The following DLG1 variants were observed in gnomAD, a reference collection of about 807,000 sequenced individuals.
DLG1 encodes disks large homolog 1.
In DLG1, 42 loss-of-function variants were observed where a neutral mutation model predicts 123.4. The observed-to-expected ratio is 0.34, with a 90% CI of 0.27 to 0.44. DLG1 has a LOEUF of 0.44. DLG1 is among the 20% of genes least tolerant of loss of function. DLG1 has a pLI of 1.00. For missense variants in DLG1, 942 were observed against 1,082.6 expected (o/e 0.87, Z 1.82); for synonymous variants, 317 against 356.2 (o/e 0.89, Z 1.24).
intron 4 of DLG1, among the ~76,000 whole-genome samples, chr3:197,257,078 T>A (rs1037689332): frequency 1.3e-5 from 2 of 152,116 alleles, no homozygotes; most frequent in African/African-American, 4.8e-5. Context: ...CTTAAAAAAT[T>A]TGAAGTCTTT....
rs1227716226 is a variant in DLG1 at position 197,297,333 on chromosome 3, C to G, written c.-31-98G>C. The G allele has an allele frequency of 2.6e-6, 4 of 1,518,132 alleles. No homozygotes were observed. In the African/African-American group the frequency reaches 4.2e-5, roughly 16 times the overall value. The allele number at this position is 1,518,132 out of a possible 1,614,324, so 94.0% of individuals were successfully genotyped here. A position where few individuals can be genotyped will look rare whatever the true frequency, so the allele number is the denominator to read the frequency against. ...AAACCCTCGCAGCCTATTTGAAAAC[C>G]CCACGTTCCAAAGTTTTACCAAGTC... is the stretch of plus-strand genomic sequence containing the variant. On this transcript the variant is annotated intron_variant, in intron 1 of 24. Coordinates refer to ENST00000667157, the MANE Select transcript of DLG1 (RefSeq NM_001366207.1).
chr3:197,265,619 A>C (rs1287460963), intron 4 of DLG1, among the ~76,000 whole-genome samples: 1 of 152,202 alleles, frequency 6.6e-6, no homozygotes, highest in Non-Finnish European at 1.5e-5. Flanking sequence ...GGAAACTTCA[A>C]GGTGAGGAAA....
intron 4 of DLG1, among the ~76,000 whole-genome samples, chr3:197,251,715 C>CA (rs1444575954): frequency 2.6e-5 from 4 of 152,056 alleles, no homozygotes; most frequent in African/African-American, 7.2e-5. Flanking sequence ...ACACAATCAA[C>CA]AAAGTGAAGA....
chr3:197,255,176 T>A (rs1198596759), intron 4 of DLG1, among the ~76,000 whole-genome samples: 2 of 152,072 alleles, frequency 1.3e-5, no homozygotes. Flanking sequence ...GTCACATGCC[T>A]CCCCCACACA....
At chr3:197,161,633 TA>T in intron 5 of DLG1, 2 of 1,434,146 alleles carry the variant, frequency 1.4e-6, no homozygotes, top group South Asian at 1.6e-5. Context: ...AAGAAACTAA[TA>T]AAAACCTGTG....
chr3:197,117,596 C>T (rs1774008805), intron 12 of DLG1, among the ~76,000 whole-genome samples: 1 of 152,058 alleles, frequency 6.6e-6, no homozygotes, highest in Admixed American at 6.6e-5. Context: ...TTATACAGTT[C>T]CACTTTTATA....
chr3:197,268,373 T>C (rs1381538430), intron 4 of DLG1, among the ~76,000 whole-genome samples: 2 of 152,156 alleles, frequency 1.3e-5, no homozygotes, highest in African/African-American at 2.4e-5. Flanking sequence ...TCTCCTAGAT[T>C]AACAGCTTTT....
At chr3:197,287,453 G>GTGT (rs2308110) in intron 3 of DLG1, among the ~76,000 whole-genome samples, 133,953 of 151,954 alleles carry the variant, frequency 0.88, 59,308 homozygotes, top group East Asian at 0.94. Context: ...GTTTCCAAAC[G>GTGT]TATTAAGGGC....
At position 197,133,089 on chromosome 3, in the gene DLG1, C is replaced by A. The variant is rs149550322; in HGVS notation, c.1021-2418G>T. Among the ~76,000 whole-genome samples the A allele has an allele frequency of 9.7e-3, 1,479 of 152,290 alleles. 17 individuals are homozygous for A. The highest frequency in any genetic ancestry group is 0.023 in the African/African-American group (959 of 41,566). On this transcript the variant is annotated intron_variant, in intron 10 of 24. Coordinates refer to ENST00000667157, the MANE Select transcript of DLG1 (RefSeq NM_001366207.1). ...CTTTGGTGGCCTACAATAAGCCATG[C>A]ATCCTGGTATTCACACCCTTGTAAA...
chr3:197,085,691 A>C lies in DLG1; in HGVS notation c.1727T>G (p.Phe576Cys), dbSNP rs142423292. The change falls in exon 16 of 25, where the codon TTT (phenylalanine) becomes TGT (cysteine). Residue 576 changes from phenylalanine (F) to cysteine (C), a missense_variant. By Grantham distance (205) the Phe-to-Cys change is radical. Coordinates refer to ENST00000667157, the MANE Select transcript of DLG1 (RefSeq NM_001366207.1). ...GLPSQGLNFK[F>C]GDILHVINAS... ...ATTAATAACATGGAGGATATCTCCA[A>C]ATTTGAAGTTCAGTCCCTGACTGGG... is the stretch of plus-strand genomic sequence containing the variant. 573 of 1,613,870 alleles carry C rather than the reference A, an allele frequency of 3.6e-4. No homozygotes were observed. The highest frequency in any genetic ancestry group is 4.2e-4 in the Non-Finnish European group (490 of 1,179,952).
chr3:197,189,382 AAT>A (rs1360483194), intron 5 of DLG1, among the ~76,000 whole-genome samples: 3 of 152,244 alleles, frequency 2.0e-5, no homozygotes, highest in East Asian at 1.9e-4. Context: ...TATACAAGAA[AAT>A]ATGTTTAACA....
intron 17 of DLG1, among the ~76,000 whole-genome samples, chr3:197,079,026 T>C (rs936323327): frequency 1.3e-5 from 2 of 151,094 alleles, no homozygotes. Flanking sequence ...ACATTTAATA[T>C]CCTCCAGGTG....
chr3:197,236,134 C>T (rs749703823), intron 4 of DLG1, among the ~76,000 whole-genome samples: 9 of 151,822 alleles, frequency 5.9e-5, no homozygotes, highest in South Asian at 2.1e-4. Context: ...AGCAACATGG[C>T]GAAATCCCGT....
At chr3:197,088,169 C>T (rs1223477034) in intron 15 of DLG1, among the ~76,000 whole-genome samples, 1 of 152,064 alleles carries the variant, frequency 6.6e-6, no homozygotes, top group Non-Finnish European at 1.5e-5. Context: ...ATCTTCATTT[C>T]TCTATTCCTA....
chr3:197,251,292 G>T (rs988295505), intron 4 of DLG1, among the ~76,000 whole-genome samples: 1 of 151,804 alleles, frequency 6.6e-6, no homozygotes, highest in Non-Finnish European at 1.5e-5. Context: ...CACAGAAAAA[G>T]AAATAGAAAA....
chr3:197,053,605 C>G (rs889328518), intron 23 of DLG1, among the ~76,000 whole-genome samples: 1 of 151,538 alleles, frequency 6.6e-6, no homozygotes, highest in South Asian at 2.1e-4. Flanking sequence ...AATCCCGTCT[C>G]CACTAAGAAT....
chr3:197,130,682 T>G lies in DLG1; in HGVS notation c.1021-11A>C, dbSNP rs1318598998. 1.3e-6 allele frequency: 2 copies of G among 1,580,198 alleles called. No homozygotes were observed. The highest frequency in any genetic ancestry group is 1.8e-5 in the Admixed American group (1 of 55,892). On this transcript the variant is annotated splice_polypyrimidine_tract_variant and intron_variant, in intron 10 of 24. Coordinates refer to ENST00000667157, the MANE Select transcript of DLG1 (RefSeq NM_001366207.1). ...ACATACGTTATTCACCTAAAAAAAG[T>G]CCCAAAAGACATTTATGACATATTC...
At chr3:197,211,465 G>A (rs561110935) in intron 4 of DLG1, among the ~76,000 whole-genome samples, 6 of 146,466 alleles carry the variant, frequency 4.1e-5, no homozygotes, top group South Asian at 2.6e-4. Context: ...GCTTCATCCC[G>A]GGATGCAAGG....
At chr3:197,073,029 A>C (rs1166062659) in intron 18 of DLG1, among the ~76,000 whole-genome samples, 3 of 152,174 alleles carry the variant, frequency 2.0e-5, no homozygotes, top group Non-Finnish European at 4.4e-5. Flanking sequence ...GATCTATCTC[A>C]AATCTCTCTA....
Sources: allele counts gnomAD v4.1 joint callset (sites outside exome capture counted in the v4.1 genomes callset), GRCh38; gene constraint gnomAD v4.1.1; transcripts MANE v1.5; gene names NCBI Gene and HGNC (gene_info 2026-07-23, HGNC 2026-07-21).